Variants in MAP4K2 observed in about 807,000 individuals in gnomAD.
The protein encoded by MAP4K2 is mitogen-activated protein kinase kinase kinase kinase 2.
A neutral mutation model predicts 125.3 loss-of-function variants in MAP4K2; 85 were observed. That is an observed-to-expected ratio of 0.68 (90% CI 0.57 to 0.81). The LOEUF (loss-of-function observed/expected upper bound fraction) is 0.81, where lower values mean the gene tolerates loss of function less well. Among genes scored for constraint, MAP4K2 ranks in the 40% least tolerant of loss-of-function variants. MAP4K2 has a pLI of 0.00. For synonymous variants in MAP4K2, 479 were observed against 445.1 expected, an observed-to-expected ratio of 1.08 and a Z score of -0.96; for missense variants, 923 against 1,056.4, an observed-to-expected ratio of 0.87 and a Z score of 1.75.
chr11:64,796,114 G>T (rs1256922272), intron 24 of MAP4K2, among the ~76,000 whole-genome samples, 159 bp downstream of exon 24: 6 of 152,230 alleles, frequency 3.9e-5, no homozygotes, highest in African/African-American at 1.2e-4. Context: ...CCGGCGGGAG[G>T]GGGTGGGAAG....
At position 64,797,144 on chromosome 11, in the gene MAP4K2, G is replaced by C. The variant is rs769374228; in HGVS notation, c.1325C>G (p.Pro442Arg). ...CTGCTTCATGGTGGCCCAGGCCGTG[G>C]GCAGCAGTGGGGAGCTGTTGGGGCC... The part of the protein sequence containing the change: ...PSGPNSSPLL[P>R]TAWATMKQRE... The change falls in exon 19 of 32, where the codon CCC becomes CGC. Residue 442 changes from proline (P) to arginine (R), a missense_variant. Physicochemically the swap from Pro to Arg is moderately radical, Grantham distance 103. Around this residue, in one of 2 missense-constraint regions of MAP4K2, gnomAD observed 833 missense variants for 911.4 expected, o/e 0.91. Coordinates refer to ENST00000294066, the MANE Select transcript of MAP4K2 (RefSeq NM_004579.5). 2 of 1,614,154 alleles carry C rather than the reference G, an allele frequency of 1.2e-6. No homozygotes were observed. Among genetic ancestry groups the C allele is most frequent in the East Asian group, 2.2e-5 (1 of 44,888 alleles).
In MAP4K2 at chr11:64,792,152, C is replaced by T; in HGVS notation, c.1914+20G>A. 1 of 1,594,904 alleles carries T rather than the reference C, an allele frequency of 6.3e-7. No individual in the cohort carries two copies. The highest frequency in any genetic ancestry group is 8.5e-7 in the Non-Finnish European group (1 of 1,170,812). ...CCAGAGCTCTGAGGGTGCCCTGGGC[C>T]TCCCCCCACCGCCCCTCACCTTCAG... is the stretch of plus-strand genomic sequence containing the variant. On this transcript the variant is annotated intron_variant, in intron 26 of 31. Transcript: ENST00000294066.
In MAP4K2 at chr11:64,792,087, C is replaced by A; in HGVS notation, c.1915-1G>T. On this transcript the variant is annotated splice_acceptor_variant, in intron 26 of 31. Coordinates refer to ENST00000294066, the MANE Select transcript of MAP4K2 (RefSeq NM_004579.5). LOFTEE classifies it high-confidence loss of function. ...GGCTGGGCAGAGGGCTGGAGAAGTT[C>A]TAGGGGGCAGCAGGGATGCTCAGGT... is the stretch of plus-strand genomic sequence containing the variant. The A allele has an allele frequency of 6.3e-7, 1 of 1,584,468 alleles. No individual in the cohort carries two copies. The highest frequency in any genetic ancestry group is 2.3e-5 in the East Asian group (1 of 43,404).
Position 64,802,050 on chromosome 11 carries a change from TCA to T in MAP4K2, c.366+14_366+15del. ...TCTGGAGACCAGAGGTGTGGGCACCTCACAGGCCCAGCTACCTTCAGTGCCTC... is the reference window on the plus strand; with the variant it reads ...TCTGGAGACCAGAGGTGTGGGCACCTCAGGCCCAGCTACCTTCAGTGCCTC... On this transcript the variant is annotated intron_variant, in intron 5 of 31. Transcript: ENST00000294066. The T allele has an allele frequency of 6.2e-7, 1 of 1,610,428 alleles. No individual in the cohort carries two copies. Among genetic ancestry groups the T allele is most frequent in the Non-Finnish European group, 8.5e-7 (1 of 1,179,214 alleles).
chr11:64,800,024 A>T, intron 12 of MAP4K2, 85 bp downstream of exon 12: 1 of 1,121,522 alleles, frequency 8.9e-7, no homozygotes, highest in Non-Finnish European at 1.3e-6. Flanking sequence ...GAATGGTGCC[A>T]GTTAAAGGAC....
In MAP4K2 at chr11:64,792,043, G is replaced by A. The variant is rs770950632; in HGVS notation, c.1958C>T (p.Pro653Leu). 32 of 1,595,940 alleles carry A rather than the reference G, an allele frequency of 2.0e-5. No individual in the cohort carries two copies. The highest frequency in any genetic ancestry group is 1.3e-4 in the African/African-American group (10 of 74,514). ...PLPSPAGMLE[P>L]LVLDGKELPQ... Reference sequence around the variant, plus strand: ...CAGCTCCTTCCCATCCAGCACCAGCGGCTCCAGCATCCCAGCTGGGCTGGG... The same window carrying A: ...CAGCTCCTTCCCATCCAGCACCAGCAGCTCCAGCATCCCAGCTGGGCTGGG... Residue 653 changes from proline (P) to leucine (L), a missense_variant, in exon 27 of 32, where the codon CCG becomes CTG. Pro to Leu is a moderately conservative substitution (Grantham distance 98, BLOSUM62 -3). Around this residue, in one of 2 missense-constraint regions of MAP4K2, gnomAD observed 833 missense variants for 911.4 expected, o/e 0.91. Coordinates refer to ENST00000294066, the MANE Select transcript of MAP4K2 (RefSeq NM_004579.5).
In MAP4K2 at chr11:64,789,643, G is replaced by A; in HGVS notation, c.2376-19C>T. On this transcript the variant is annotated intron_variant, in intron 31 of 31. Coordinates refer to ENST00000294066, the MANE Select transcript of MAP4K2 (RefSeq NM_004579.5). ...GATGTCTCTGGAGGAGAGAGGAGTAGGGGGCAGGGCGGGAGACACTTGGTA... is the reference window on the plus strand; with the variant it reads ...GATGTCTCTGGAGGAGAGAGGAGTAAGGGGCAGGGCGGGAGACACTTGGTA... The A allele has an allele frequency of 1.9e-6, 3 of 1,611,660 alleles. No homozygotes were observed. The highest frequency in any genetic ancestry group is 2.2e-5 in the East Asian group (1 of 44,834).
Position 64,792,335 on chromosome 11 carries a change from C to T in MAP4K2, c.1810+29G>A, listed in dbSNP as rs370672180. The T allele has an allele frequency of 6.7e-4, 1,025 of 1,520,586 alleles. 5 individuals carry two copies. In the African/African-American group the frequency reaches 0.011, roughly 16 times the overall value. 94.2% of individuals were successfully genotyped at this position (1,520,586 alleles called of 1,614,324 possible). The stretch of plus-strand genomic sequence containing the variant: ...GCCTGCGCTGCCCCCCACCAGGCCC[C>T]GCCCCACCCCGCCCAGCCCATTTCT... On this transcript the variant is annotated intron_variant, in intron 25 of 31. Transcript: ENST00000294066.
At position 64,798,800 on chromosome 11, in the gene MAP4K2, A is replaced by G. The variant is rs1156427020; in HGVS notation, c.1091T>C (p.Leu364Ser). The change falls in exon 15 of 32, where the codon TTG (leucine) becomes TCG (serine). Residue 364 changes from leucine to serine, a missense_variant. Around this residue, in one of 2 missense-constraint regions of MAP4K2, gnomAD observed 833 missense variants for 911.4 expected, o/e 0.91. Transcript: ENST00000294066. ...TTCCCCATACCTCACTTACCCACTC[A>G]ACTCTTCCTTTCCCAGTAGTGTCCA... The part of the protein sequence containing the change: ...EEWTLLGKEE[L>S]SGSLLQSVQE... The G allele has an allele frequency of 2.5e-6, 4 of 1,611,248 alleles. No individual in the cohort carries two copies. The highest frequency in any genetic ancestry group is 3.4e-6 in the Non-Finnish European group (4 of 1,178,732).
Position 64,802,101 on chromosome 11 carries a change from G to A in MAP4K2, c.331C>T (p.Arg111Trp). Residue 111 changes from arginine to tryptophan, a missense_variant, in exon 5 of 32, where the codon CGG becomes TGG. By Grantham distance (101) the Arg-to-Trp change is moderately radical (BLOSUM62 -3). Around this residue, in one of 2 missense-constraint regions of MAP4K2, gnomAD observed 833 missense variants for 911.4 expected, o/e 0.91. Coordinates refer to ENST00000294066, the MANE Select transcript of MAP4K2 (RefSeq NM_004579.5). ...IYHATGPLEERQIAYVCREAL... is the reference protein window; with the variant it reads ...IYHATGPLEEWQIAYVCREAL... ...TCTCGGCAGACGTAGGCAATCTGCC[G>A]CTCCTCCAGGGGCCCAGTGGCTGAA... 1.2e-6 allele frequency: 2 copies of A among 1,612,978 alleles called. No individual in the cohort carries two copies. The highest frequency in any genetic ancestry group is 1.7e-6 in the Non-Finnish European group (2 of 1,179,936).
intron 2 of MAP4K2, 104 bp downstream of exon 2, chr11:64,802,781 G>T: frequency 6.8e-7 from 1 of 1,470,762 alleles, no homozygotes; most frequent in South Asian, 1.2e-5. Context: ...ACCTCCCGGG[G>T]CACGCCTCTC....
rs1465678838 is a variant in MAP4K2 at position 64,797,729 on chromosome 11, G to A, written c.1098-65C>T. ...TTTTTTTTTTTTTTTTTTTTGAGAC[G>A]GAGTCTCGCTCTGTCACCCAGGCCG... On this transcript the variant is annotated intron_variant, in intron 15 of 31. Coordinates refer to ENST00000294066, the MANE Select transcript of MAP4K2 (RefSeq NM_004579.5). 459 of 1,242,854 alleles carry A rather than the reference G, an allele frequency of 3.7e-4. 1 individual carries two copies. The highest frequency in any genetic ancestry group is 4.5e-4 in the Non-Finnish European group (424 of 944,346). 77.0% of individuals were successfully genotyped at this position (1,242,854 alleles called of 1,614,324 possible). A position where few individuals can be genotyped will look rare whatever the true frequency, so the allele number is the denominator to read the frequency against.
Position 64,802,079 on chromosome 11 carries a change from C to T in MAP4K2, c.353G>A (p.Arg118Gln). The T allele has an allele frequency of 6.8e-6, 11 of 1,612,558 alleles. No individual in the cohort carries two copies. Among genetic ancestry groups the T allele is most frequent in the East Asian group, 2.2e-5 (1 of 44,868 alleles). ...AGGCCCAGCTACCTTCAGTGCCTCT[C>T]GGCAGACGTAGGCAATCTGCCGCTC... ...LEERQIAYVC[R>Q]EALKGLHHLH... Residue 118 changes from arginine (R) to glutamine (Q), a missense_variant, in exon 5 of 32, where the codon CGA becomes CAA. This residue lies in a region of MAP4K2 where 833 missense variants were observed against 911.4 expected (regional missense o/e 0.91). Coordinates refer to ENST00000294066, the MANE Select transcript of MAP4K2 (RefSeq NM_004579.5).
chr11:64,786,425 C>T lies in MAP4K2; in HGVS notation c.*3112G>A, dbSNP rs1312241106. The T allele has an allele frequency of 6.6e-6, 1 of 152,188 alleles. No individual in the cohort carries two copies. The highest frequency in any genetic ancestry group is 2.4e-5 in the African/African-American group (1 of 41,448). The allele number at this position is 152,188 out of a possible 1,614,324, so 9.4% of individuals were successfully genotyped here. On this transcript the variant is annotated 3_prime_UTR_variant, in exon 32 of 32. Transcript: ENST00000294066. ...CCATTCCCTTACTCGTGAGGGTCTC[C>T]TGAGCACTGGTAGTGAGCAGGTGCT...
In MAP4K2 at chr11:64,787,030, T is replaced by C. The variant is rs1006242322; in HGVS notation, c.*2507A>G. 7.1e-5 allele frequency: 3 copies of C among 42,044 alleles called. No individual in the cohort carries two copies. The highest frequency in any genetic ancestry group is 1.4e-4 in the African/African-American group (3 of 21,690). The allele number at this position is 42,044 out of a possible 1,614,324, so 2.6% of individuals were successfully genotyped here. On this transcript the variant is annotated 3_prime_UTR_variant, in exon 32 of 32. Coordinates refer to ENST00000294066, the MANE Select transcript of MAP4K2 (RefSeq NM_004579.5). ...TCTCCAGGATATATATATATTTTTT[T>C]CTCTTTTTTTTTTTTTTGAGACGGA...
chr11:64,802,580 G>A lies in MAP4K2; in HGVS notation c.228C>T (p.Tyr76=), dbSNP rs1455389809. ...AGCCTCACCTGAGGTAGCTGCCAAT[G>A]TAGGCCACCACATTGGGGTGGCGGC... ...RECRHPNVVA[Y]IGSYLRNDRL... Residue 76 remains tyrosine, a synonymous_variant, in exon 3 of 32, where the codon TAC becomes TAT. Transcript: ENST00000294066. The A allele has an allele frequency of 6.2e-7, 1 of 1,610,510 alleles. No homozygotes were observed. Among genetic ancestry groups the A allele is most frequent in the Non-Finnish European group, 8.5e-7 (1 of 1,178,560 alleles).
In MAP4K2 at chr11:64,803,121, T is replaced by C. The variant is rs1941347125; in HGVS notation, c.29A>G (p.Gln10Arg). ...CAGCTCGAAGCGGTCCCGCGGGTCC[T>C]GCAGCGACACATCCCGCAGCAGCGC... The part of the protein sequence containing the change: MALLRDVSL[Q>R]DPRDRFELLQ... Residue 10 changes from glutamine to arginine, a missense_variant, in exon 1 of 32, where the codon CAG becomes CGG. By Grantham distance (43) the Gln-to-Arg change is conservative. This residue lies in a region of MAP4K2 where 833 missense variants were observed against 911.4 expected (regional missense o/e 0.91). Transcript: ENST00000294066. The C allele has an allele frequency of 6.3e-7, 1 of 1,575,364 alleles. No homozygotes were observed. Among genetic ancestry groups the C allele is most frequent in the African/African-American group, 1.4e-5 (1 of 71,578 alleles).
rs938546102 is a variant in MAP4K2, at chr11:64,786,235, C to T, written c.*3302G>A. 1 of 152,174 alleles carries T rather than the reference C, an allele frequency of 6.6e-6. No homozygotes were observed. The highest frequency in any genetic ancestry group is 1.5e-5 in the Non-Finnish European group (1 of 68,044). The allele number at this position is 152,174 out of a possible 1,614,324, so 9.4% of individuals were successfully genotyped here. A position where few individuals can be genotyped will look rare whatever the true frequency, so the allele number is the denominator to read the frequency against. ...GCTGTTTTAATTTACCTCTAAGAGT[C>T]ATCTATGTTATTGCATTATGTCTGT... On this transcript the variant is annotated 3_prime_UTR_variant, in exon 32 of 32. Transcript: ENST00000294066.
chr11:64,797,383 G>C lies in MAP4K2; in HGVS notation c.1171-3C>G. On this transcript the variant is annotated splice_polypyrimidine_tract_variant and splice_region_variant and intron_variant, in intron 17 of 31. Coordinates refer to ENST00000294066, the MANE Select transcript of MAP4K2 (RefSeq NM_004579.5). ...GTATCGTCTGGGGAGTCCAGCTCCTGGTAGGAGGGGCAGGGCCCAGCCCGG... is the reference window on the plus strand; with the variant it reads ...GTATCGTCTGGGGAGTCCAGCTCCTCGTAGGAGGGGCAGGGCCCAGCCCGG... 6.3e-7 allele frequency: 1 copy of C among 1,577,396 alleles called. No individual in the cohort carries two copies. Among genetic ancestry groups the C allele is most frequent in the African/African-American group, 1.3e-5 (1 of 74,316 alleles).
Sources: gnomAD v4.1 joint callset for allele counts (sites outside exome capture counted in the v4.1 genomes callset) on GRCh38, gnomAD v4.1.1 for gene constraint, gnomAD v4.1.1 regional missense constraint, MANE v1.5 for transcripts, NCBI Gene and HGNC (gene_info 2026-07-23, HGNC 2026-07-21) for gene names.